Variants in MASP2 observed in about 807,000 individuals in gnomAD.
MASP2 encodes MBL associated serine protease 2, also known as mannan-binding lectin serine protease 2.
A neutral mutation model predicts 57.1 loss-of-function variants in MASP2; 49 were observed. The observed-to-expected ratio is 0.86, with a 90% CI of 0.68 to 1.09. The LOEUF (loss-of-function observed/expected upper bound fraction) is 1.09. Ranked by LOEUF, MASP2 falls within the 50% of genes least tolerant of loss-of-function variation. The pLI, the probability that MASP2 is intolerant of heterozygous loss-of-function variation, is 0.00. For missense variants in MASP2, 900 were observed against 874.8 expected, an observed-to-expected ratio of 1.03 and a Z score of -0.36; for synonymous variants, 379 against 340.8, an observed-to-expected ratio of 1.11 and a Z score of -1.24.
chr1:11,046,449 C>T (rs1242385363), intron 3 of MASP2, 107 bp downstream of exon 3: 13 of 1,320,454 alleles, frequency 9.8e-6, no homozygotes, highest in Non-Finnish European at 1.4e-5. Context: ...TCTCCCCTGC[C>T]CTGGGAAAGG....
rs986879720 is a variant in MASP2 at position 11,043,139 on chromosome 1, T to G, written c.742-117A>C. On this transcript the variant is annotated intron_variant, in intron 5 of 10. Transcript: ENST00000400897. ...CAGCCAATGAGGCCAACCCAGGCCA[T>G]GGATTGGGGTGCCCCTCCCCACTCT... The G allele has an allele frequency of 7.7e-6, 9 of 1,172,226 alleles. No individual in the cohort carries two copies. In the Admixed American group the frequency reaches 1.0e-4, roughly 13 times the overall value. The allele number at this position is 1,172,226 out of a possible 1,614,324, so 72.6% of individuals were successfully genotyped here.
At chr1:11,030,383 C>G in intron 9 of MASP2, 133 bp from the exon 10 acceptor site, 1 of 640,506 alleles carries the variant, frequency 1.6e-6, no homozygotes, top group Non-Finnish European at 2.7e-6. Context: ...AACCATTTTA[C>G]ATGATTTCAT....
chr1:11,042,323 G>GAT (rs1359461940), intron 6 of MASP2, among the ~76,000 whole-genome samples: 3 of 151,206 alleles, frequency 2.0e-5, no homozygotes, highest in Non-Finnish European at 4.4e-5. Context: ...TGAATAGATG[G>GAT]ATAGCTGGAA....
chr1:11,046,160 G>A (rs546609649), intron 3 of MASP2: 10 of 300,804 alleles, frequency 3.3e-5, no homozygotes, highest in South Asian at 2.2e-4. Context: ...TTCCAGGTGC[G>A]CACCACCACG....
Position 11,040,404 on chromosome 1 carries a change from G to A in MASP2, c.889+2471C>T, listed in dbSNP as rs1392235191. On this transcript the variant is annotated intron_variant, in intron 6 of 10. Coordinates refer to ENST00000400897, the MANE Select transcript of MASP2 (RefSeq NM_006610.4). ...GACTTGCTTGTTCCAGGAGGCAGAG[G>A]TTGCAGTGAGCTGAGATTGTGCCAC... is the stretch of plus-strand genomic sequence containing the variant. Among the ~76,000 whole-genome samples, 6 of 150,824 alleles carry A rather than the reference G, an allele frequency of 4.0e-5. 1 individual carries two copies. Among genetic ancestry groups the A allele is most frequent in the South Asian group, 2.1e-4 (1 of 4,784 alleles).
intron 10 of MASP2, among the ~76,000 whole-genome samples, chr1:11,028,700 TTTTTTC>T (rs1557665432): frequency 1.5e-3 from 45 of 30,472 alleles, no homozygotes; most frequent in African/African-American, 0.013. Context: ...TTTCTGGGTT[TTTTTTC>T]TTTTTTTTTT....
Position 11,043,032 on chromosome 1 carries a change from A to C in MASP2, c.742-10T>G, listed in dbSNP as rs201500869. 32 of 1,612,600 alleles carry C rather than the reference A, an allele frequency of 2.0e-5. No homozygotes were observed. In the Admixed American group the frequency reaches 3.0e-4, roughly 15 times the overall value. ...CTCTGTCTGTTTGAATCTGAGAAAGAAGCTCATGAAAGCTGGGGAGCAGCT... is the reference window on the plus strand; with the variant it reads ...CTCTGTCTGTTTGAATCTGAGAAAGCAGCTCATGAAAGCTGGGGAGCAGCT... On this transcript the variant is annotated splice_polypyrimidine_tract_variant and intron_variant, in intron 5 of 10. Coordinates refer to ENST00000400897, the MANE Select transcript of MASP2 (RefSeq NM_006610.4).
rs763025278 is a variant in MASP2 at position 11,046,725 on chromosome 1, C to T, written c.243G>A (p.Ser81=). Residue 81 remains serine, a synonymous_variant, in exon 3 of 11, where the codon TCG becomes TCA. Coordinates refer to ENST00000400897, the MANE Select transcript of MASP2 (RefSeq NM_006610.4). ...ACAGCGTGGCCAGCACCTTGGCCCCCGAGCTCAGCTGTGGGGTCAGGTGTC... is the reference window on the plus strand; with the variant it reads ...ACAGCGTGGCCAGCACCTTGGCCCCTGAGCTCAGCTGTGGGGTCAGGTGTC... ...LCEYDFVKLS[S]GAKVLATLCG... is the part of the protein sequence containing the mutation. 21 of 1,612,122 alleles carry T rather than the reference C, an allele frequency of 1.3e-5. No homozygotes were observed. The highest frequency in any genetic ancestry group is 3.3e-5 in the Admixed American group (2 of 59,956).
intron 8 of MASP2, among the ~76,000 whole-genome samples, chr1:11,031,295 G>A (rs564250609): frequency 2.9e-4 from 44 of 151,926 alleles, no homozygotes; most frequent in African/African-American, 9.6e-4. Context: ...AGGCCGAGGC[G>A]GGCAGATCAC....
At chr1:11,046,459 G>C in intron 3 of MASP2, 97 bp downstream of exon 3, 1 of 1,394,900 alleles carries the variant, frequency 7.2e-7, no homozygotes, top group Non-Finnish European at 1.0e-6. Context: ...CCTGGGAAAG[G>C]TGGGGAAACT....
chr1:11,045,988 A>C, intron 3 of MASP2: 1 of 200,178 alleles, frequency 5.0e-6, no homozygotes, highest in Non-Finnish European at 1.0e-5. Flanking sequence ...TCAGCTGTAA[A>C]TGGGGCCCTC....
At chr1:11,031,032 C>T in intron 8 of MASP2, 150 bp from the exon 9 acceptor site, 1 of 719,864 alleles carries the variant, frequency 1.4e-6, no homozygotes, top group Middle Eastern at 4.1e-4. Context: ...GCAAGACCCC[C>T]TCTCTACGAA....
At chr1:11,046,526 T>C (rs755070611) in intron 3 of MASP2, 30 bp downstream of exon 3, 2 of 1,598,094 alleles carry the variant, frequency 1.3e-6, no homozygotes, top group Non-Finnish European at 1.7e-6. Context: ...CTGCGCAGAC[T>C]GAGATGTTGC....
chr1:11,028,613 C>T (rs562890637), intron 10 of MASP2, among the ~76,000 whole-genome samples: 4 of 151,524 alleles, frequency 2.6e-5, no homozygotes, highest in African/African-American at 7.3e-5. Flanking sequence ...TACCTACAGA[C>T]GTTGTGTTAG....
Position 11,034,153 on chromosome 1 carries a change from G to A in MASP2, c.1087+675C>T, listed in dbSNP as rs574369719. ...GCTCCTGGGGGTAGCTGACGTGGGA[G>A]AATCGCTTGAACCCAGGAGACAGAG... On this transcript the variant is annotated intron_variant, in intron 8 of 10. Coordinates refer to ENST00000400897, the MANE Select transcript of MASP2 (RefSeq NM_006610.4). Among the ~76,000 whole-genome samples the A allele has an allele frequency of 1.5e-4, 23 of 149,528 alleles. No homozygotes were observed. The South Asian group carries it at 4.9e-3, about 32-fold the overall frequency.
Position 11,027,183 on chromosome 1 carries a change from A to G in MASP2, c.1763T>C (p.Val588Ala). ...RGFLARNLMY[V>A]DIPIVDHQKC... is the part of the protein sequence containing the mutation. ...TTGATGGTCAACAATCGGTATGTCGACATACATTAGATTTCTAGCAAGAAA... is the reference window on the plus strand; with the variant it reads ...TTGATGGTCAACAATCGGTATGTCGGCATACATTAGATTTCTAGCAAGAAA... The change falls in exon 11 of 11, where the codon GTC (valine) becomes GCC (alanine). Residue 588 changes from valine (V) to alanine (A), a missense_variant. Coordinates refer to ENST00000400897, the MANE Select transcript of MASP2 (RefSeq NM_006610.4). 6.2e-7 allele frequency: 1 copy of G among 1,614,202 alleles called. No homozygotes were observed. Among genetic ancestry groups the G allele is most frequent in the Non-Finnish European group, 8.5e-7 (1 of 1,180,046 alleles).
At chr1:11,031,000 T>C (rs967188235) in intron 8 of MASP2, 118 bp from the exon 9 acceptor site, 139 of 1,034,832 alleles carry the variant, frequency 1.3e-4, no homozygotes, top group Non-Finnish European at 1.8e-4. Flanking sequence ...CTCAGGAGTT[T>C]GAGACCAGCC....
intron 8 of MASP2, among the ~76,000 whole-genome samples, chr1:11,033,941 A>G (rs1643870413): frequency 2.2e-5 from 1 of 45,548 alleles, no homozygotes. Flanking sequence ...ACACACACAC[A>G]CACACACACA....
At chr1:11,035,023 G>A in intron 7 of MASP2, 117 bp from the exon 8 acceptor site, 3 of 675,524 alleles carry the variant, frequency 4.4e-6, no homozygotes, top group Admixed American at 2.9e-5. Context: ...CCTGAAGGGG[G>A]TGGCAGCACA....
Sources: gnomAD v4.1 joint callset for allele counts (sites outside exome capture counted in the v4.1 genomes callset) on GRCh38, gnomAD v4.1.1 for gene constraint, MANE v1.5 for transcripts, NCBI Gene and HGNC (gene_info 2026-07-23, HGNC 2026-07-21) for gene names.